The following LIPN variants were observed in gnomAD, a reference collection of about 807,000 sequenced individuals.
The protein encoded by LIPN is lipase member N.
In LIPN, 32 loss-of-function variants were observed where a neutral mutation model predicts 43.7. That is an observed-to-expected ratio of 0.73 (90% CI 0.55 to 0.98). The LOEUF (loss-of-function observed/expected upper bound fraction) is 0.98. LIPN is among the 50% of genes least tolerant of loss of function. LIPN has a pLI of 0.00. For missense variants in LIPN, 505 were observed against 483.8 expected (o/e 1.04, Z -0.41); for synonymous variants, 156 against 157.6 (o/e 0.99, Z 0.08).
chr10:88,759,634 C>G (rs780320439), upstream of LIPN, among the ~76,000 whole-genome samples: 1 of 152,062 alleles, frequency 6.6e-6, no homozygotes, highest in Admixed American at 6.6e-5. Flanking sequence ...CACATCCCTA[C>G]GCACTGCATG....
At position 88,764,469 on chromosome 10, in the gene LIPN, G is replaced by C. The variant is rs75379216; in HGVS notation, c.286G>C (p.Glu96Gln). The C allele has an allele frequency of 6.2e-7, 1 of 1,612,062 alleles. No homozygotes were observed. Among genetic ancestry groups the C allele is most frequent in the South Asian group, 1.1e-5 (1 of 90,992 alleles). ...GTTTGCAGACAATGCCTACTGGCTT[G>C]AGAATTATGCTAATGGAAGCCTTGG... ...ALFADNAYWL[E>Q]NYANGSLGFL... is the part of the protein sequence containing the mutation. The change falls in exon 4 of 10, where the codon GAG becomes CAG. Residue 96 changes from glutamate (E) to glutamine (Q), a missense_variant. Coordinates refer to ENST00000404459, the MANE Select transcript of LIPN (RefSeq NM_001102469.2).
chr10:88,774,629 C>T lies in LIPN; in HGVS notation c.891+85C>T, dbSNP rs1249589743. ...AGAATTGACCCTGTTAACAGGCCTA[C>T]CCTAAGAATCTTAAGAGCTTGCTTC... On this transcript the variant is annotated intron_variant, in intron 8 of 9. Transcript: ENST00000404459. 2.8e-6 allele frequency: 3 copies of T among 1,085,484 alleles called. No homozygotes were observed. The Admixed American group carries it at 5.9e-5, about 21-fold the overall frequency. 67.2% of individuals were successfully genotyped at this position (1,085,484 alleles called of 1,614,324 possible).
intron 2 of LIPN, 48 bp downstream of exon 2, chr10:88,761,561 G>A: frequency 7.9e-7 from 1 of 1,272,544 alleles, no homozygotes; most frequent in Non-Finnish European, 1.1e-6. Flanking sequence ...CAGGACTAAT[G>A]GAGTATGAGG....
At position 88,764,667 on chromosome 10, in the gene LIPN, G is replaced by T. The variant is rs374584193; in HGVS notation, c.425+59G>T. 2.2e-4 allele frequency: 267 copies of T among 1,221,894 alleles called. No homozygotes were observed. In the South Asian group the frequency reaches 3.8e-3, roughly 18 times the overall value. 75.7% of individuals were successfully genotyped at this position (1,221,894 alleles called of 1,614,324 possible). On this transcript the variant is annotated intron_variant, in intron 4 of 9. Transcript: ENST00000404459. Reference sequence around the variant, plus strand: ...TTGGAGGCAATTTAAAAAAAATAACGTGGACGCTATTAATGATTATCTTTG... The same window carrying T: ...TTGGAGGCAATTTAAAAAAAATAACTTGGACGCTATTAATGATTATCTTTG...
chr10:88,764,674 C>T, intron 4 of LIPN, 66 bp downstream of exon 4: 4 of 1,133,804 alleles, frequency 3.5e-6, no homozygotes, highest in African/African-American at 1.6e-5. Flanking sequence ...AACGTGGACG[C>T]TATTAATGAT....
chr10:88,766,216 G>A, intron 4 of LIPN, 53 bp from the exon 5 acceptor site: 2 of 879,376 alleles, frequency 2.3e-6, no homozygotes, highest in Non-Finnish European at 3.8e-6. Flanking sequence ...AGTGCTCTGA[G>A]TTTTAAACTT....
In LIPN at chr10:88,761,503, G is replaced by T; in HGVS notation, c.98G>T (p.Trp33Leu). 7 of 1,606,634 alleles carry T rather than the reference G, an allele frequency of 4.4e-6. No homozygotes were observed. Among genetic ancestry groups the T allele is most frequent in the Non-Finnish European group, 6.0e-6 (7 of 1,173,936 alleles). ...GAAAATGAAGTGAATCCTGAGGTGT[G>T]GATGAATACTGTAAGTCATGGAAAA... is the stretch of plus-strand genomic sequence containing the variant. ...DLENEVNPEV[W>L]MNTSEIIIYN... Residue 33 changes from tryptophan (W) to leucine (L), a missense_variant, in exon 2 of 10, where the codon TGG becomes TTG. Trp to Leu is a moderately conservative substitution (Grantham distance 61). Coordinates refer to ENST00000404459, the MANE Select transcript of LIPN (RefSeq NM_001102469.2).
chr10:88,775,983 G>T (rs943577647), intron 9 of LIPN, among the ~76,000 whole-genome samples: 40 of 151,946 alleles, frequency 2.6e-4, no homozygotes, highest in African/African-American at 9.4e-4. Context: ...CACTACAAGA[G>T]ATAGACCATG....
chr10:88,777,123 A>G (rs1218639902), intron 9 of LIPN, among the ~76,000 whole-genome samples: 2 of 152,098 alleles, frequency 1.3e-5, no homozygotes, highest in Non-Finnish European at 2.9e-5. Context: ...ATGGCTTTTA[A>G]TTGCCAAATT....
rs117784483 is a variant in LIPN, at chr10:88,772,194, T to C, written c.819+1203T>C. ...ATGGGTAGTTTACAAATATTTTCTC[T>C]CATTCAACAGGTTCTTTAGTTCACT... On this transcript the variant is annotated intron_variant, in intron 7 of 9. Coordinates refer to ENST00000404459, the MANE Select transcript of LIPN (RefSeq NM_001102469.2). Among the ~76,000 whole-genome samples the C allele has an allele frequency of 3.9e-5, 6 of 151,902 alleles. No homozygotes were observed. The East Asian group carries it at 1.2e-3, about 30-fold the overall frequency.
chr10:88,775,789 A>G (rs1169166462), intron 9 of LIPN, among the ~76,000 whole-genome samples: 1 of 152,046 alleles, frequency 6.6e-6, no homozygotes, highest in Non-Finnish European at 1.5e-5. Context: ...GCTTATAAGT[A>G]TGAACTAAGC....
chr10:88,775,285 A>T (rs539039284), intron 9 of LIPN, 122 bp downstream of exon 9: 296 of 473,902 alleles, frequency 6.2e-4, no homozygotes, highest in African/African-American at 3.8e-3. Flanking sequence ...ACTTTTTTTT[A>T]AAAAAATTTT....
intron 9 of LIPN, among the ~76,000 whole-genome samples, chr10:88,776,278 A>C (rs1171056467): frequency 6.6e-6 from 1 of 152,062 alleles, no homozygotes; most frequent in Non-Finnish European, 1.5e-5. Flanking sequence ...AGAAGAAAAG[A>C]AGTGGATGGA....
chr10:88,778,111 C>T lies in LIPN; in HGVS notation c.1066C>T (p.Leu356Phe), dbSNP rs1843326274. The change falls in exon 10 of 10, where the codon CTC becomes TTC. Residue 356 changes from leucine (L) to phenylalanine (F), a missense_variant. Transcript: ENST00000404459. ...AACACCCCAGGATGTGGCCAGGATA[C>T]TCCCTCAAATCAAGAGTCTTCATTA... ...LVTPQDVARI[L>F]PQIKSLHYFK... The T allele has an allele frequency of 5.6e-6, 9 of 1,613,646 alleles. No homozygotes were observed. The highest frequency in any genetic ancestry group is 7.6e-6 in the Non-Finnish European group (9 of 1,179,718).
At chr10:88,768,149 T>C (rs1843142822) in intron 5 of LIPN, among the ~76,000 whole-genome samples, 1 of 151,416 alleles carries the variant, frequency 6.6e-6, no homozygotes, top group Non-Finnish European at 1.5e-5. Context: ...CTAATCTCCA[T>C]CCTCACAGAT....
At chr10:88,763,354 A>G (rs915765433) in intron 3 of LIPN, among the ~76,000 whole-genome samples, 6 of 152,084 alleles carry the variant, frequency 3.9e-5, no homozygotes, top group African/African-American at 1.4e-4. Context: ...TGGCAATCCC[A>G]GGCACATGTG....
At chr10:88,767,591 T>C (rs544088638) in intron 5 of LIPN, among the ~76,000 whole-genome samples, 2 of 122,702 alleles carry the variant, frequency 1.6e-5, no homozygotes, top group African/African-American at 6.4e-5. Flanking sequence ...GAAATGACTT[T>C]AGTTGGTTTT....
rs1843349438 is a variant in LIPN, at chr10:88,779,392, T to C, written c.*1150T>C. On this transcript the variant is annotated 3_prime_UTR_variant, in exon 10 of 10. Coordinates refer to ENST00000404459, the MANE Select transcript of LIPN (RefSeq NM_001102469.2). ...ATTCTTCTCTCAAAACTAGCATTCA[T>C]CAATTTAATGTATACGTATTGATGG... Among the ~76,000 whole-genome samples the C allele has an allele frequency of 6.6e-6, 1 of 152,208 alleles. No homozygotes were observed. Among genetic ancestry groups the C allele is most frequent in the South Asian group, 2.1e-4 (1 of 4,834 alleles).
intron 7 of LIPN, among the ~76,000 whole-genome samples, chr10:88,771,909 TC>T (rs1843215804): frequency 6.6e-6 from 1 of 151,854 alleles, no homozygotes; most frequent in South Asian, 2.1e-4. Flanking sequence ...CACATTCTTG[TC>T]AGCATCCATT....
Sources: gnomAD v4.1 joint callset for allele counts (sites outside exome capture counted in the v4.1 genomes callset) on GRCh38, gnomAD v4.1.1 for gene constraint, MANE v1.5 for transcripts, NCBI Gene and HGNC (gene_info 2026-07-23, HGNC 2026-07-21) for gene names.